WDR70: variants seen among roughly 807,000 people sequenced by gnomAD.
WDR70 encodes the protein WD repeat-containing protein 70.
A neutral mutation model predicts 88.6 loss-of-function variants in WDR70; 53 were observed. That is an observed-to-expected ratio of 0.60 (90% CI 0.48 to 0.75). The LOEUF is 0.75. WDR70 is among the 30% of genes least tolerant of loss of function. WDR70 has a pLI of 0.00. For missense variants in WDR70, 610 were observed against 823.2 expected, an observed-to-expected ratio of 0.74 and a Z score of 3.17; for synonymous variants, 280 against 270.0, an observed-to-expected ratio of 1.04 and a Z score of -0.36.
At chr5:37,681,737 T>A (rs1746442956) in intron 10 of WDR70, among the ~76,000 whole-genome samples, 1 of 152,212 alleles carries the variant, frequency 6.6e-6, no homozygotes, top group Admixed American at 6.5e-5. Flanking sequence ...CATTTATTGA[T>A]TTGCATTTGG....
intron 17 of WDR70, among the ~76,000 whole-genome samples, chr5:37,728,102 CTT>C: frequency 6.6e-6 from 1 of 151,952 alleles, no homozygotes; most frequent in Non-Finnish European, 1.5e-5. Flanking sequence ...AATCCCGACA[CTT>C]TGGGTGGCCG....
chr5:37,664,050 T>A (rs1394207923), intron 10 of WDR70, among the ~76,000 whole-genome samples: 2 of 152,188 alleles, frequency 1.3e-5, no homozygotes, highest in Non-Finnish European at 2.9e-5. Flanking sequence ...GAACTGCCCA[T>A]ACCAAAGCCA....
chr5:37,439,833 A>G (rs1750599284), intron 6 of WDR70, among the ~76,000 whole-genome samples: 1 of 152,118 alleles, frequency 6.6e-6, no homozygotes, highest in African/African-American at 2.4e-5. Context: ...AGGATTATTT[A>G]AAAGCAAATA....
chr5:37,605,657 T>C (rs1182320411), intron 10 of WDR70, among the ~76,000 whole-genome samples: 1 of 152,176 alleles, frequency 6.6e-6, no homozygotes, highest in East Asian at 1.9e-4. Context: ...ATCAGTTGTT[T>C]TGTAGTTATT....
At chr5:37,752,434 A>G in intron 17 of WDR70, 52 bp from the exon 18 acceptor site, 1 of 1,447,352 alleles carries the variant, frequency 6.9e-7, no homozygotes, top group Non-Finnish European at 9.5e-7. Flanking sequence ...ATCTAATGTA[A>G]CAAATACTTT....
At chr5:37,631,771 G>GCTCATTTTC (rs1744825786) in intron 10 of WDR70, among the ~76,000 whole-genome samples, 1 of 152,138 alleles carries the variant, frequency 6.6e-6, no homozygotes, top group South Asian at 2.1e-4. Flanking sequence ...ACTCTAGAGG[G>GCTCATTTTC]CTCATTTTCC....
chr5:37,598,497 A>G (rs1331106328), intron 9 of WDR70, among the ~76,000 whole-genome samples: 1 of 152,214 alleles, frequency 6.6e-6, no homozygotes, highest in Non-Finnish European at 1.5e-5. Context: ...TAGACCATAA[A>G]TAAAATATCA....
intron 10 of WDR70, among the ~76,000 whole-genome samples, chr5:37,627,353 C>A (rs527886210): frequency 6.6e-6 from 1 of 152,274 alleles, no homozygotes; most frequent in South Asian, 2.1e-4. Flanking sequence ...AAATGATCCT[C>A]CAACCTTGGC....
At chr5:37,553,822 A>G (rs1561899214) in intron 9 of WDR70, among the ~76,000 whole-genome samples, 1 of 152,178 alleles carries the variant, frequency 6.6e-6, no homozygotes, top group Non-Finnish European at 1.5e-5. Flanking sequence ...GACTTTTGGC[A>G]AGTTATTTAA....
chr5:37,395,722 G>T (rs1020233339), intron 4 of WDR70, among the ~76,000 whole-genome samples: 1 of 151,990 alleles, frequency 6.6e-6, no homozygotes, highest in African/African-American at 2.4e-5. Flanking sequence ...TATCTCAGTG[G>T]TTTTTGTCCG....
At position 37,396,505 on chromosome 5, in the gene WDR70, C is replaced by G; in HGVS notation, c.427C>G (p.Pro143Ala). The G allele has an allele frequency of 6.2e-7, 1 of 1,613,800 alleles. No homozygotes were observed. The highest frequency in any genetic ancestry group is 8.5e-7 in the Non-Finnish European group (1 of 1,179,982). The change falls in exon 5 of 18, where the codon CCT becomes GCT. Residue 143 changes from proline (P) to alanine (A), a missense_variant. Physicochemically the swap from Pro to Ala is conservative, Grantham distance 27. Coordinates refer to ENST00000265107, the MANE Select transcript of WDR70 (RefSeq NM_018034.4). ...GGAGGAAGATATCCTCGGTCCTTTA[C>G]CTCCACCTCTTAATGAAGAAGAAGA... ...FMEEDILGPL[P>A]PPLNEEEEEA...
chr5:37,716,223 G>A (rs1410696921), intron 13 of WDR70, among the ~76,000 whole-genome samples: 1 of 152,182 alleles, frequency 6.6e-6, no homozygotes, highest in Non-Finnish European at 1.5e-5. Context: ...CATGTTTAAG[G>A]TATAAAGTTA....
chr5:37,589,369 C>T (rs1450009188), intron 9 of WDR70, among the ~76,000 whole-genome samples: 1 of 151,354 alleles, frequency 6.6e-6, no homozygotes. Context: ...GTTTATGTAT[C>T]TCTGTATATC....
intron 8 of WDR70, chr5:37,506,549 T>G (rs1740566799): frequency 1.3e-6 from 1 of 772,220 alleles, no homozygotes; most frequent in Non-Finnish European, 2.4e-6. Context: ...AAGTGCTCCG[T>G]GTAGTTGTAA....
At chr5:37,535,690 A>G (rs989901697) in intron 9 of WDR70, among the ~76,000 whole-genome samples, 2 of 152,240 alleles carry the variant, frequency 1.3e-5, no homozygotes, top group Non-Finnish European at 2.9e-5. Context: ...AATAGTTAAC[A>G]TTTATTGAGA....
intron 10 of WDR70, among the ~76,000 whole-genome samples, chr5:37,660,927 A>G (rs1349832656): frequency 6.6e-6 from 1 of 152,206 alleles, no homozygotes; most frequent in Non-Finnish European, 1.5e-5. Flanking sequence ...TGTAACAACC[A>G]TTTATGTAGC....
chr5:37,465,658 GTTTTT>G (rs59224939), intron 7 of WDR70, among the ~76,000 whole-genome samples: 1 of 99,354 alleles, frequency 1.0e-5, no homozygotes, highest in Admixed American at 1.1e-4. Flanking sequence ...ATTGTCATGA[GTTTTT>G]TTTTTTTTTT....
intron 7 of WDR70, among the ~76,000 whole-genome samples, chr5:37,464,076 G>T (rs1739089635): frequency 6.6e-6 from 1 of 152,200 alleles, no homozygotes; most frequent in African/African-American, 2.4e-5. Context: ...TGGAGCCATT[G>T]ACTGTTTCTA....
In WDR70 at chr5:37,594,175, T is replaced by C. The variant is rs1457471644; in HGVS notation, c.918-10889T>C. Among the ~76,000 whole-genome samples, 4 of 152,228 alleles carry C rather than the reference T, an allele frequency of 2.6e-5. 1 individual carries two copies. The highest frequency in any genetic ancestry group is 9.6e-5 in the African/African-American group (4 of 41,460). The stretch of plus-strand genomic sequence containing the variant: ...AGATCCCATTTGTCAATTTTGCCTT[T>C]TGTTGCCATTGCTTTTGGTGTTTTA... On this transcript the variant is annotated intron_variant, in intron 9 of 17. Transcript: ENST00000265107.
Sources: gnomAD v4.1 joint callset for allele counts (sites outside exome capture counted in the v4.1 genomes callset) on GRCh38, gnomAD v4.1.1 for gene constraint, MANE v1.5 for transcripts, NCBI Gene and HGNC (gene_info 2026-07-23, HGNC 2026-07-21) for gene names.